MACROD2: variants seen among roughly 807,000 people sequenced by gnomAD.
MACROD2 encodes ADP-ribose glycohydrolase MACROD2.
MACROD2 carries 36 observed loss-of-function variants against 70.4 expected under a neutral mutation model. The ratio of observed to expected loss-of-function variants is 0.51; its 90% CI spans 0.39 to 0.68. The LOEUF is 0.68. Among genes scored for constraint, MACROD2 ranks in the 30% least tolerant of loss-of-function variants. MACROD2 has a pLI of 0.00. For missense variants in MACROD2, 496 were observed against 538.4 expected (o/e 0.92, Z 0.78); for synonymous variants, 172 against 178.8 (o/e 0.96, Z 0.30).
intron 8 of MACROD2, among the ~76,000 whole-genome samples, chr20:15,586,716 T>C (rs893893464): frequency 6.6e-6 from 1 of 152,204 alleles, no homozygotes; most frequent in Non-Finnish European, 1.5e-5. Flanking sequence ...AAAAACAAAC[T>C]ATTTGTACAA....
At chr20:14,313,237 T>TAATGTATCATTAATTATACATCAATTAA (rs1568550138) in intron 3 of MACROD2, among the ~76,000 whole-genome samples, 8 of 152,308 alleles carry the variant, frequency 5.3e-5, no homozygotes, top group African/African-American at 1.7e-4. Flanking sequence ...CATTAAAGGA[T>TAATGTATCATTAATTATACATCAATTAA]AGTATAGTTG....
At chr20:14,212,095 T>G (rs1197058966) in intron 3 of MACROD2, among the ~76,000 whole-genome samples, 1 of 152,174 alleles carries the variant, frequency 6.6e-6, no homozygotes, top group Non-Finnish European at 1.5e-5. Flanking sequence ...ACATCTTGCT[T>G]CAAGGGTTTT....
rs146470896 is a variant in MACROD2 at position 15,746,507 on chromosome 20, C to G, written c.646-116238C>G. ...ATTTAGTTTTACTTGCCTTATTGCA[C>G]TTATTTCCAGTGAAACAGTAAAGAC... On this transcript the variant is annotated intron_variant, in intron 8 of 17. Coordinates refer to ENST00000684519, the MANE Select transcript of MACROD2 (RefSeq NM_001351661.2). Among the ~76,000 whole-genome samples the G allele has an allele frequency of 5.2e-3, 736 of 142,338 alleles. 11 individuals are homozygous for G. Among genetic ancestry groups the G allele is most frequent in the African/African-American group, 0.018 (685 of 38,130 alleles). The allele number at this position is 142,338 out of a possible 152,430, so 93.4% of individuals were successfully genotyped here. A position where few individuals can be genotyped will look rare whatever the true frequency, so the allele number is the denominator to read the frequency against.
At chr20:14,612,371 T>G (rs954368608) in intron 4 of MACROD2, among the ~76,000 whole-genome samples, 3 of 152,104 alleles carry the variant, frequency 2.0e-5, no homozygotes, top group Non-Finnish European at 2.9e-5. Flanking sequence ...CTTCCCAAAT[T>G]TTGGTTACTG....
intron 3 of MACROD2, among the ~76,000 whole-genome samples, chr20:14,173,580 A>G (rs2081240704): frequency 6.6e-6 from 1 of 152,024 alleles, no homozygotes; most frequent in Non-Finnish European, 1.5e-5. Flanking sequence ...TCCCTGATTC[A>G]CTTAGTATAA....
intron 5 of MACROD2, among the ~76,000 whole-genome samples, chr20:15,188,363 G>A (rs992139634): frequency 6.6e-6 from 1 of 152,198 alleles, no homozygotes; most frequent in Admixed American, 6.5e-5. Flanking sequence ...ATCCATAATG[G>A]CGTGTGTTCA....
intron 5 of MACROD2, among the ~76,000 whole-genome samples, chr20:15,069,338 G>A (rs1437947498): frequency 1.3e-5 from 2 of 152,188 alleles, no homozygotes; most frequent in Non-Finnish European, 2.9e-5. Context: ...TGACCCTGTG[G>A]TAGAAAAGGA....
intron 10 of MACROD2, among the ~76,000 whole-genome samples, chr20:15,907,046 A>G (rs1221692254): frequency 6.6e-6 from 1 of 152,168 alleles, no homozygotes; most frequent in Non-Finnish European, 1.5e-5. Context: ...CTTTCAATTT[A>G]TTCATTTGTG....
At chr20:14,045,911 G>T (rs986250638) in intron 2 of MACROD2, among the ~76,000 whole-genome samples, 6 of 152,192 alleles carry the variant, frequency 3.9e-5, no homozygotes, top group African/African-American at 1.4e-4. Context: ...TAAGTAGATT[G>T]AACTCAGCTG....
At chr20:14,016,168 G>C (rs1045233399) in intron 2 of MACROD2, among the ~76,000 whole-genome samples, 1 of 152,092 alleles carries the variant, frequency 6.6e-6, no homozygotes, top group African/African-American at 2.4e-5. Flanking sequence ...TTTTGGTTTT[G>C]GTTGTTTGTG....
rs898179124 is a variant in MACROD2, at chr20:14,310,479, G to T, written c.272-183000G>T. 3.3e-5 allele frequency among the ~76,000 whole-genome samples: 5 copies of T among 152,242 alleles called. 1 individual carries two copies. In the South Asian group the frequency reaches 1.0e-3, roughly 32 times the overall value. On this transcript the variant is annotated intron_variant, in intron 3 of 17. Coordinates refer to ENST00000684519, the MANE Select transcript of MACROD2 (RefSeq NM_001351661.2). ...GGTCATAGTGCAACGCAGTACTCGC[G>T]TATTTGTGGTGATGCTGGTGTAAAC...
At chr20:15,136,668 T>C (rs1019422656) in intron 5 of MACROD2, among the ~76,000 whole-genome samples, 13 of 151,970 alleles carry the variant, frequency 8.6e-5, no homozygotes, top group African/African-American at 2.4e-4. Context: ...ACTTCATGTC[T>C]AAAACACCAA....
chr20:14,127,636 A>C, intron 3 of MACROD2: 1 of 429,128 alleles, frequency 2.3e-6, no homozygotes, highest in Non-Finnish European at 4.4e-6. Flanking sequence ...CAGAAATTCA[A>C]AACAGAATGA....
intron 5 of MACROD2, among the ~76,000 whole-genome samples, chr20:14,745,121 G>A (rs2071783264): frequency 1.3e-5 from 2 of 152,216 alleles, no homozygotes; most frequent in South Asian, 4.2e-4. Context: ...AGGTGGGCTA[G>A]AAATTGGACT....
chr20:15,627,321 G>A (rs1366909422), intron 8 of MACROD2, among the ~76,000 whole-genome samples: 4 of 151,506 alleles, frequency 2.6e-5, no homozygotes, highest in Non-Finnish European at 5.9e-5. Context: ...AGGAAGATTA[G>A]TATGGTAATG....
chr20:14,805,389 C>T (rs1190212932), intron 5 of MACROD2, among the ~76,000 whole-genome samples: 1 of 151,916 alleles, frequency 6.6e-6, no homozygotes, highest in Non-Finnish European at 1.5e-5. Flanking sequence ...TTCTTTTTTA[C>T]CTCTATTTTT....
At chr20:15,969,732 T>A (rs999408700) in intron 13 of MACROD2, among the ~76,000 whole-genome samples, 1 of 152,030 alleles carries the variant, frequency 6.6e-6, no homozygotes, top group African/African-American at 2.4e-5. Context: ...ACAAGTACAG[T>A]TGGAGTCCCA....
intron 5 of MACROD2, among the ~76,000 whole-genome samples, chr20:14,906,878 G>A (rs2073965871): frequency 6.6e-6 from 1 of 151,996 alleles, no homozygotes; most frequent in Non-Finnish European, 1.5e-5. Context: ...ACATTTTTGG[G>A]GTGCTGAGGT....
chr20:14,475,232 C>CA (rs1177392623), intron 3 of MACROD2, among the ~76,000 whole-genome samples: 2 of 151,988 alleles, frequency 1.3e-5, no homozygotes, highest in South Asian at 2.1e-4. Context: ...AAGAATCACA[C>CA]AAAAAACCCC....
Sources: gnomAD v4.1 joint callset for allele counts (sites outside exome capture counted in the v4.1 genomes callset) on GRCh38, gnomAD v4.1.1 for gene constraint, MANE v1.5 for transcripts, NCBI Gene and HGNC (gene_info 2026-07-23, HGNC 2026-07-21) for gene names.